Variants in SCHIP1 observed in about 807,000 individuals in gnomAD.
SCHIP1 encodes the protein schwannomin interacting protein 1, also known as schwannomin-interacting protein 1.
SCHIP1 carries 8 observed loss-of-function variants against 29.7 expected under a neutral mutation model. That is an observed-to-expected ratio of 0.27 (90% CI 0.16 to 0.49). SCHIP1 has a LOEUF of 0.49. Ranked by LOEUF, SCHIP1 falls within the 20% of genes least tolerant of loss-of-function variation. The pLI is 0.99. For synonymous variants in SCHIP1, 76 were observed against 94.9 expected (o/e 0.80, Z 1.16); for missense variants, 193 against 294.6 (o/e 0.66, Z 2.52).
At chr3:159,690,468 T>C in the SCHIP1 span, among the ~76,000 whole-genome samples, 1 of 152,242 alleles carries the variant, frequency 6.6e-6, no homozygotes, top group Admixed American at 6.5e-5. Context: ...TTATTGTGTC[T>C]ATTTGATTCT....
the SCHIP1 span, among the ~76,000 whole-genome samples, chr3:159,634,495 C>T: frequency 3.3e-5 from 5 of 152,286 alleles, 1 homozygote; most frequent in East Asian, 1.9e-4. Flanking sequence ...TCAGTTTAGT[C>T]GTTGGTTTCA....
chr3:159,381,207 C>T, the SCHIP1 span, among the ~76,000 whole-genome samples: 25,029 of 152,042 alleles, frequency 0.16, 2,363 homozygotes, highest in Middle Eastern at 0.29. Context: ...GCTTGAAACA[C>T]GAGGTAGACA....
chr3:159,277,720 G>A, the SCHIP1 span, among the ~76,000 whole-genome samples: 5 of 151,016 alleles, frequency 3.3e-5, no homozygotes, highest in African/African-American at 1.2e-4. Flanking sequence ...TCAGGAGTTC[G>A]AGACCAGCCT....
the SCHIP1 span, among the ~76,000 whole-genome samples, chr3:159,713,306 A>G: frequency 3.9e-5 from 6 of 152,106 alleles, no homozygotes; most frequent in African/African-American, 1.4e-4. Context: ...GAAAGAAAGA[A>G]AAAGGAAATG....
the SCHIP1 span, among the ~76,000 whole-genome samples, chr3:159,542,718 C>A: frequency 6.6e-6 from 1 of 151,942 alleles, no homozygotes; most frequent in African/African-American, 2.4e-5. Flanking sequence ...TAAGTTATAT[C>A]CTCTCACAAA....
intron 3 of SCHIP1, 144 bp from the exon 5 acceptor site, chr3:159,887,564 T>G (rs1717086386): frequency 2.4e-6 from 2 of 838,806 alleles, no homozygotes; most frequent in East Asian, 2.4e-5. Context: ...TACTTGAGAT[T>G]TATCAACTCA....
the SCHIP1 span, among the ~76,000 whole-genome samples, chr3:159,761,030 C>A: frequency 6.6e-6 from 1 of 152,172 alleles, no homozygotes; most frequent in Non-Finnish European, 1.5e-5. Flanking sequence ...GAGGAAGTAA[C>A]ATTTAAGCTG....
chr3:159,334,900 CT>C, the SCHIP1 span, among the ~76,000 whole-genome samples: 72,205 of 145,888 alleles, frequency 0.49, 17,617 homozygotes, highest in East Asian at 0.55. Flanking sequence ...TCTTCTTCTT[CT>C]TTTTTTTTTT....
the SCHIP1 span, among the ~76,000 whole-genome samples, chr3:159,525,221 GTTTA>G: frequency 6.6e-6 from 1 of 152,108 alleles, no homozygotes; most frequent in East Asian, 1.9e-4. Flanking sequence ...CATTTCCTTA[GTTTA>G]TTTTTCTCCA....
At chr3:159,886,108 A>G in intron 2 of SCHIP1, 99 bp from the exon 4 acceptor site, 2 of 1,241,622 alleles carry the variant, frequency 1.6e-6, no homozygotes, top group African/African-American at 1.5e-5. Flanking sequence ...TGAAGAACAC[A>G]TAAGACTACT....
chr3:159,439,746 ATTTG>A, the SCHIP1 span, among the ~76,000 whole-genome samples: 1 of 151,908 alleles, frequency 6.6e-6, no homozygotes, highest in African/African-American at 2.4e-5. Context: ...TTTCTTGTAA[ATTTG>A]TTTAAGCTCC....
At chr3:159,702,210 T>A in the SCHIP1 span, among the ~76,000 whole-genome samples, 2 of 152,310 alleles carry the variant, frequency 1.3e-5, no homozygotes, top group Non-Finnish European at 2.9e-5. Context: ...GTTGGCATAG[T>A]GTAATTGGTC....
chr3:159,781,594 C>T, the SCHIP1 span, among the ~76,000 whole-genome samples: 52 of 152,328 alleles, frequency 3.4e-4, no homozygotes, highest in Middle Eastern at 0.01. Flanking sequence ...TAACTTTACT[C>T]AATGAGTGAA....
the SCHIP1 span, among the ~76,000 whole-genome samples, chr3:159,672,771 TCTC>T: frequency 6.6e-6 from 1 of 152,178 alleles, no homozygotes; most frequent in Non-Finnish European, 1.5e-5. Context: ...TGGTCCTCAG[TCTC>T]CTCATCTCTA....
At chr3:159,765,814 C>G in the SCHIP1 span, 1 of 152,190 alleles carries the variant, frequency 6.6e-6, no homozygotes, top group East Asian at 1.9e-4. Flanking sequence ...TGACTCACTC[C>G]CTCTGCTGTG....
chr3:159,416,351 T>C, the SCHIP1 span, among the ~76,000 whole-genome samples: 2 of 152,232 alleles, frequency 1.3e-5, no homozygotes, highest in African/African-American at 4.8e-5. Context: ...TTTATCATTA[T>C]CTGAAATTAT....
At chr3:159,890,460 C>T (rs1717397930) in intron 5 of SCHIP1, among the ~76,000 whole-genome samples, 1 of 151,998 alleles carries the variant, frequency 6.6e-6, no homozygotes, top group Admixed American at 6.6e-5. Flanking sequence ...GAAATTTTTC[C>T]ACAAGATCCA....
At chr3:159,381,981 A>G in the SCHIP1 span, among the ~76,000 whole-genome samples, 1 of 152,078 alleles carries the variant, frequency 6.6e-6, no homozygotes, top group Non-Finnish European at 1.5e-5. Context: ...GGAAAAAGAG[A>G]GCTGGAGAGT....
At chr3:159,594,718 A>G in the SCHIP1 span, among the ~76,000 whole-genome samples, 1 of 152,306 alleles carries the variant, frequency 6.6e-6, no homozygotes, top group Admixed American at 6.5e-5. Context: ...CTATAATTTT[A>G]TTTCTGAATA....
Sources: gnomAD v4.1 joint callset for allele counts (sites outside exome capture counted in the v4.1 genomes callset) on GRCh38, gnomAD v4.1.1 for gene constraint, MANE v1.5 for transcripts, NCBI Gene and HGNC (gene_info 2026-07-23, HGNC 2026-07-21) for gene names.